The following PDCD6IP variants were observed in gnomAD, a reference collection of about 807,000 sequenced individuals.
The protein encoded by PDCD6IP is programmed cell death 6 interacting protein, also known as programmed cell death 6-interacting protein.
A neutral mutation model predicts 103.7 loss-of-function variants in PDCD6IP; 43 were observed. The ratio of observed to expected loss-of-function variants is 0.41; its 90% CI spans 0.32 to 0.53. The LOEUF (loss-of-function observed/expected upper bound fraction) is 0.53, where lower values mean the gene tolerates loss of function less well. Ranked by LOEUF, PDCD6IP falls within the 20% of genes least tolerant of loss-of-function variation. The pLI, the probability that PDCD6IP is intolerant of heterozygous loss-of-function variation, is 0.16. For synonymous variants in PDCD6IP, 354 were observed against 378.7 expected, an observed-to-expected ratio of 0.93 and a Z score of 0.76; for missense variants, 871 against 1,036.7, an observed-to-expected ratio of 0.84 and a Z score of 2.20.
chr3:33,866,663 A>G lies in PDCD6IP; in HGVS notation c.*138A>G, dbSNP rs1268575830. The G allele has an allele frequency of 5.0e-6, 3 of 598,422 alleles. No homozygotes were observed. The highest frequency in any genetic ancestry group is 7.8e-6 in the Non-Finnish European group (3 of 385,086). The allele number at this position is 598,422 out of a possible 1,614,324, so 37.1% of individuals were successfully genotyped here. A position where few individuals can be genotyped will look rare whatever the true frequency, so the allele number is the denominator to read the frequency against. On this transcript the variant is annotated 3_prime_UTR_variant, in exon 18 of 18. Transcript: ENST00000307296. ...AATGCAGTGTATAATTTCTGTCTAC[A>G]GCTAGAAGCTGTGCCCCAGTTCCAC... is the stretch of plus-strand genomic sequence containing the variant.
intron 4 of PDCD6IP, 146 bp downstream of exon 4, chr3:33,822,228 G>C: frequency 1.2e-6 from 1 of 830,634 alleles, no homozygotes; most frequent in Non-Finnish European, 1.9e-6. Flanking sequence ...TATTCTTACT[G>C]TTAAAGCCCT....
intron 7 of PDCD6IP, among the ~76,000 whole-genome samples, chr3:33,829,361 A>G (rs1250859321): frequency 1.3e-5 from 2 of 152,164 alleles, no homozygotes; most frequent in Non-Finnish European, 2.9e-5. Flanking sequence ...TAGTGTAAAA[A>G]TAATTCTAAA....
intron 1 of PDCD6IP, among the ~76,000 whole-genome samples, chr3:33,811,747 T>A (rs1696723790): frequency 6.6e-6 from 1 of 152,246 alleles, no homozygotes; most frequent in South Asian, 2.1e-4. Flanking sequence ...TACTAATTTG[T>A]CTAATGGATA....
Position 33,824,603 on chromosome 3 carries a change from T to C in PDCD6IP, c.463-584T>C, listed in dbSNP as rs554104753. On this transcript the variant is annotated intron_variant, in intron 4 of 17. Coordinates refer to ENST00000307296, the MANE Select transcript of PDCD6IP (RefSeq NM_013374.6). ...TCCCAGACTGATTTATTTCTTTTTC[T>C]TAGTATAATTTGTTTCATGAAAGCA... Among the ~76,000 whole-genome samples, 38 of 152,314 alleles carry C rather than the reference T, an allele frequency of 2.5e-4. 1 individual carries two copies. The South Asian group carries it at 7.5e-3, about 30-fold the overall frequency.
chr3:33,866,267 G>A (rs553987057), intron 17 of PDCD6IP, 84 bp from the exon 18 acceptor site: 62 of 908,276 alleles, frequency 6.8e-5, no homozygotes, highest in Non-Finnish European at 9.2e-5. Flanking sequence ...TGACTTTCAT[G>A]AAAAACGTAG....
chr3:33,812,096 T>C lies in PDCD6IP; in HGVS notation c.234T>C (p.Ile78=). Residue 78 remains isoleucine (I), a synonymous_variant, in exon 2 of 18, where the codon ATT becomes ATC. Transcript: ENST00000307296. ...GATATTATGATCAGATTTGTTCTATTGAACCCAAATTCCCATTTTCTGAAA... is the reference window on the plus strand; with the variant it reads ...GATATTATGATCAGATTTGTTCTATCGAACCCAAATTCCCATTTTCTGAAA... ...LLRYYDQICS[I]EPKFPFSENQ... 6.2e-7 allele frequency: 1 copy of C among 1,600,268 alleles called. No individual in the cohort carries two copies. Among genetic ancestry groups the C allele is most frequent in the Non-Finnish European group, 8.5e-7 (1 of 1,173,582 alleles).
At chr3:33,808,451 G>A (rs952008581) in intron 1 of PDCD6IP, among the ~76,000 whole-genome samples, 18 of 152,238 alleles carry the variant, frequency 1.2e-4, no homozygotes, top group Admixed American at 6.5e-4. Flanking sequence ...GCTGACGTGT[G>A]TATGTATGTG....
intron 1 of PDCD6IP, among the ~76,000 whole-genome samples, chr3:33,800,265 G>C (rs570454944): frequency 1.8e-4 from 28 of 152,064 alleles, no homozygotes; most frequent in Non-Finnish European, 2.8e-4. Flanking sequence ...TGTATTGAGA[G>C]GGATGGCTGT....
chr3:33,842,325 T>C (rs1301258105), intron 10 of PDCD6IP, among the ~76,000 whole-genome samples: 1 of 152,176 alleles, frequency 6.6e-6, no homozygotes. Context: ...TGTGTAAAAC[T>C]AGTATACTGT....
chr3:33,816,805 C>A (rs12638692), intron 3 of PDCD6IP, among the ~76,000 whole-genome samples: 44,372 of 151,862 alleles, frequency 0.29, 6,707 homozygotes, highest in East Asian at 0.41. Flanking sequence ...AGCCAAGGTG[C>A]AGAAAAGGAT....
chr3:33,843,014 T>C (rs947004618), intron 10 of PDCD6IP, among the ~76,000 whole-genome samples: 5 of 152,246 alleles, frequency 3.3e-5, no homozygotes, highest in African/African-American at 1.2e-4. Context: ...CTCCTCAAAC[T>C]TAAGAGGTTT....
chr3:33,852,457 GCAGTTAAACTAAGGTGTC>G lies in PDCD6IP; in HGVS notation c.1642-30_1642-13del. ...ATTGGCTTTTTTTTTTTTTTTTTTT[GCAGTTAAACTAAGGTGTC>G]TTTTTTGTTTAGGTTGTAAATGTCT... On this transcript the variant is annotated splice_polypyrimidine_tract_variant and intron_variant, in intron 12 of 17. Coordinates refer to ENST00000307296, the MANE Select transcript of PDCD6IP (RefSeq NM_013374.6). 5 of 630,050 alleles carry G rather than the reference GCAGTTAAACTAAGGTGTC, an allele frequency of 7.9e-6. No homozygotes were observed. The highest frequency in any genetic ancestry group is 2.0e-4 in the Admixed American group (1 of 5,066). 39.0% of individuals were successfully genotyped at this position (630,050 alleles called of 1,614,324 possible). A position where few individuals can be genotyped will look rare whatever the true frequency, so the allele number is the denominator to read the frequency against.
chr3:33,863,877 A>G (rs1481775803), intron 15 of PDCD6IP, 129 bp from the exon 16 acceptor site: 1 of 674,226 alleles, frequency 1.5e-6, no homozygotes, highest in Non-Finnish European at 2.6e-6. Context: ...AATGTAGTAT[A>G]TTTTAAAATA....
At chr3:33,863,971 A>C (rs754592765) in intron 15 of PDCD6IP, 35 bp from the exon 16 acceptor site, 11 of 1,428,014 alleles carry the variant, frequency 7.7e-6, no homozygotes, top group Non-Finnish European at 1.1e-5. Flanking sequence ...ATTTTTTTCT[A>C]TCATGTTAAT....
chr3:33,835,353 G>C (rs1697323818), intron 7 of PDCD6IP: 7 of 455,016 alleles, frequency 1.5e-5, no homozygotes. Context: ...GTGGTTTCCA[G>C]ACCCTTGTTT....
In PDCD6IP at chr3:33,866,602, T is replaced by G; in HGVS notation, c.*77T>G. On this transcript the variant is annotated 3_prime_UTR_variant, in exon 18 of 18. Transcript: ENST00000307296. The stretch of plus-strand genomic sequence containing the variant: ...ACCCTGCAATAAGTGTACTAAACTC[T>G]ACGCTCTGGTTAATGTAATGTACTC... The G allele has an allele frequency of 8.4e-7, 1 of 1,193,460 alleles. No homozygotes were observed. Among genetic ancestry groups the G allele is most frequent in the Non-Finnish European group, 1.2e-6 (1 of 850,284 alleles). 73.9% of individuals were successfully genotyped at this position (1,193,460 alleles called of 1,614,324 possible).
chr3:33,828,183 G>A (rs149241077), intron 6 of PDCD6IP, among the ~76,000 whole-genome samples: 101 of 152,106 alleles, frequency 6.6e-4, no homozygotes, highest in African/African-American at 2.3e-3. Context: ...AAAACAAATA[G>A]GCAAAATAAC....
chr3:33,863,896 G>T, intron 15 of PDCD6IP, 110 bp from the exon 16 acceptor site: 1 of 722,068 alleles, frequency 1.4e-6, no homozygotes, highest in South Asian at 1.8e-5. Flanking sequence ...TACCATCATT[G>T]TTTGGAATCC....
intron 4 of PDCD6IP, among the ~76,000 whole-genome samples, chr3:33,822,718 C>T (rs1012338245): frequency 6.6e-6 from 1 of 152,124 alleles, no homozygotes; most frequent in Non-Finnish European, 1.5e-5. Flanking sequence ...TGCAGTGGCA[C>T]AATCTCGGCT....
Sources: allele counts gnomAD v4.1 joint callset (sites outside exome capture counted in the v4.1 genomes callset), GRCh38; gene constraint gnomAD v4.1.1; transcripts MANE v1.5; gene names NCBI Gene and HGNC (gene_info 2026-07-23, HGNC 2026-07-21).